KIF3C: variants seen among roughly 807,000 people sequenced by gnomAD.
KIF3C encodes the protein kinesin family member 3C.
A neutral mutation model predicts 67.7 loss-of-function variants in KIF3C; 12 were observed. The ratio of observed to expected loss-of-function variants is 0.18; its 90% CI spans 0.11 to 0.29. The LOEUF (loss-of-function observed/expected upper bound fraction) is 0.29. KIF3C is among the 10% of genes least tolerant of loss of function. The pLI is 1.00. For missense variants in KIF3C, 789 were observed against 1,059.6 expected, an observed-to-expected ratio of 0.74 and a Z score of 3.55; for synonymous variants, 393 against 426.2, an observed-to-expected ratio of 0.92 and a Z score of 0.96.
rs1457371567 is a variant in KIF3C at position 25,939,116 on chromosome 2, AG to A, written c.2007-9054del. On this transcript the variant is annotated intron_variant, in intron 5 of 7. Transcript: ENST00000264712. ...TCAAGTAGCTGGGATTACAGGTGAC[AG>A]CCATCACATCTAGCTAATTTTTGTA... Among the ~76,000 whole-genome samples, 5 of 152,082 alleles carry A rather than the reference AG, an allele frequency of 3.3e-5. No individual in the cohort carries two copies. In the East Asian group the frequency reaches 9.7e-4, roughly 29 times the overall value.
chr2:25,934,160 G>A (rs1379318013), intron 5 of KIF3C: 1 of 471,010 alleles, frequency 2.1e-6, no homozygotes, highest in South Asian at 1.5e-5. Flanking sequence ...AAAATATCTG[G>A]AATAGGTAAA....
chr2:25,949,091 T>C (rs1265288883), intron 5 of KIF3C, among the ~76,000 whole-genome samples: 1 of 152,206 alleles, frequency 6.6e-6, no homozygotes, highest in Non-Finnish European at 1.5e-5. Context: ...TTTCCTGAGT[T>C]TGATCATTGC....
intron 1 of KIF3C, among the ~76,000 whole-genome samples, chr2:25,965,886 G>C (rs951314686): frequency 2.0e-5 from 3 of 152,022 alleles, no homozygotes; most frequent in Admixed American, 6.6e-5. Context: ...AACAAGTCCA[G>C]TGTAACTAAA....
At chr2:25,949,431 A>G (rs1038117122) in intron 5 of KIF3C, among the ~76,000 whole-genome samples, 5 of 151,036 alleles carry the variant, frequency 3.3e-5, no homozygotes, top group Non-Finnish European at 7.4e-5. Context: ...AAAAAAAAAG[A>G]AAAAAAAATT....
chr2:25,930,008 T>C lies in KIF3C; in HGVS notation c.2062A>G (p.Ile688Val), dbSNP rs2090445697. 1.9e-6 allele frequency: 3 copies of C among 1,614,038 alleles called. No homozygotes were observed. The highest frequency in any genetic ancestry group is 1.3e-5 in the African/African-American group (1 of 74,932). The part of the protein sequence containing the change: ...PTSAVGYKRP[I>V]SQYARVAMAM... The stretch of plus-strand genomic sequence containing the variant: ...ATGGCAACCCGAGCATACTGGCTGA[T>C]AGGCCTCTTGTAGCCCACTGCAGAT... Residue 688 changes from isoleucine (I) to valine (V), a missense_variant, in exon 6 of 8, where the codon ATC (isoleucine) becomes GTC (valine). Ile to Val is a conservative substitution (Grantham distance 29). Transcript: ENST00000264712.
rs772279061 is a variant in KIF3C, at chr2:25,980,334, G to A, written c.1545+39C>T. 3.9e-6 allele frequency: 6 copies of A among 1,527,572 alleles called. No individual in the cohort carries two copies. The highest frequency in any genetic ancestry group is 2.3e-5 in the East Asian group (1 of 44,402). 94.6% of individuals were successfully genotyped at this position (1,527,572 alleles called of 1,614,324 possible). A position where few individuals can be genotyped will look rare whatever the true frequency, so the allele number is the denominator to read the frequency against. On this transcript the variant is annotated intron_variant, in intron 1 of 7. Transcript: ENST00000264712. The surrounding 1 kb of genome is among the most constrained non-coding windows in gnomAD (Gnocchi z 7.6). The stretch of plus-strand genomic sequence containing the variant: ...GAGCCTCCTTGCCGGGATCCCCTGC[G>A]GGGACATCTCGAGTGCCCAGCTCCT...
At chr2:25,940,251 A>C (rs1663247473) in intron 5 of KIF3C, among the ~76,000 whole-genome samples, 1 of 152,038 alleles carries the variant, frequency 6.6e-6, no homozygotes, top group Non-Finnish European at 1.5e-5. Flanking sequence ...CAGATGAAAA[A>C]ATTTGGGTTC....
rs556974174 is a variant in KIF3C, at chr2:25,973,793, G to A, written c.1545+6580C>T. Among the ~76,000 whole-genome samples, 63 of 152,306 alleles carry A rather than the reference G, an allele frequency of 4.1e-4. 1 individual carries two copies. Among genetic ancestry groups the A allele is most frequent in the African/African-American group, 1.4e-3 (60 of 41,568 alleles). ...ACAGTGCAATCAGCAGTAGGATAGG[G>A]AGGCCCATGTTGATTTCAAAGGAAG... On this transcript the variant is annotated intron_variant, in intron 1 of 7. Transcript: ENST00000264712.
rs180721351 is a variant in KIF3C at position 25,927,276 on chromosome 2, G to A, written c.*1702C>T. On this transcript the variant is annotated 3_prime_UTR_variant, in exon 8 of 8. Transcript: ENST00000264712. ...GGGAGAGGCTGCTCAACGCAGCCCTGGAGGTCCCCCTGCGCTCAGGCCACC... is the reference window on the plus strand; with the variant it reads ...GGGAGAGGCTGCTCAACGCAGCCCTAGAGGTCCCCCTGCGCTCAGGCCACC... 1 of 152,780 alleles carries A rather than the reference G, an allele frequency of 6.5e-6. No homozygotes were observed. The highest frequency in any genetic ancestry group is 1.9e-4 in the East Asian group (1 of 5,184). The allele number at this position is 152,780 out of a possible 1,614,324, so 9.5% of individuals were successfully genotyped here. A position where few individuals can be genotyped will look rare whatever the true frequency, so the allele number is the denominator to read the frequency against.
At chr2:25,953,608 C>A (rs1253829173) in intron 4 of KIF3C, among the ~76,000 whole-genome samples, 2 of 151,838 alleles carry the variant, frequency 1.3e-5, no homozygotes, top group African/African-American at 4.8e-5. Context: ...GATCCACCTG[C>A]CTCAGCCTCC....
Position 25,982,305 on chromosome 2 carries a change from C to T in KIF3C, c.-388G>A, listed in dbSNP as rs893539886. 10 of 402,066 alleles carry T rather than the reference C, an allele frequency of 2.5e-5. No homozygotes were observed. The highest frequency in any genetic ancestry group is 1.4e-4 in the African/African-American group (7 of 48,626). The allele number at this position is 402,066 out of a possible 1,614,324, so 24.9% of individuals were successfully genotyped here. On this transcript the variant is annotated 5_prime_UTR_variant, in exon 1 of 8. Transcript: ENST00000264712. ...GGGGGTGGGCGGCGAGCTGTCTTCT[C>T]CTCCTTCCTCTAGGGATCCATAGCG...
At chr2:25,957,531 C>T (rs150000771) in intron 1 of KIF3C, among the ~76,000 whole-genome samples, 4 of 152,264 alleles carry the variant, frequency 2.6e-5, no homozygotes, top group African/African-American at 4.8e-5. Flanking sequence ...GGCTTCATCA[C>T]GGGCCTCCTG....
intron 5 of KIF3C, chr2:25,938,431 T>TC: frequency 2.8e-6 from 1 of 362,532 alleles, no homozygotes; most frequent in Non-Finnish European, 5.5e-6. Context: ...GGGTGGGGGT[T>TC]CCCCCCAAGG....
intron 3 of KIF3C, 46 bp from the exon 4 acceptor site, chr2:25,954,431 G>A (rs935580754): frequency 4.8e-6 from 7 of 1,450,782 alleles, no homozygotes; most frequent in Non-Finnish European, 6.7e-6. Flanking sequence ...GTGTGGCAAC[G>A]AGGCCCCAGT....
Position 25,955,710 on chromosome 2 carries a change from G to A in KIF3C, c.1648-47C>T, listed in dbSNP as rs775526439. 9.3e-6 allele frequency: 15 copies of A among 1,606,216 alleles called. No individual in the cohort carries two copies. The highest frequency in any genetic ancestry group is 7.7e-6 in the Non-Finnish European group (9 of 1,174,922). On this transcript the variant is annotated intron_variant, in intron 2 of 7. Transcript: ENST00000264712. The surrounding 1 kb of genome is among the most constrained non-coding windows in gnomAD (Gnocchi z 5.0). ...TGGCTCAAAGGAGCAGTGCATACTC[G>A]GGAGGGCCAGGAAAGCTCAGGGGAC...
intron 1 of KIF3C, among the ~76,000 whole-genome samples, chr2:25,971,308 C>A (rs1261661257): frequency 6.7e-6 from 1 of 149,512 alleles, no homozygotes; most frequent in Non-Finnish European, 1.5e-5. Flanking sequence ...GACGTGGTGG[C>A]GCGCACCTGT....
intron 5 of KIF3C, chr2:25,938,356 T>TAAA: frequency 3.4e-6 from 1 of 293,844 alleles, no homozygotes; most frequent in Non-Finnish European, 7.2e-6. Flanking sequence ...AGTCTGAGTC[T>TAAA]CAAAAAAAAA....
Position 25,955,262 on chromosome 2 carries a change from G to A in KIF3C, c.1770+279C>T, listed in dbSNP as rs543432737. Among the ~76,000 whole-genome samples the A allele has an allele frequency of 9.6e-4, 146 of 152,200 alleles. No individual in the cohort carries two copies. The highest frequency in any genetic ancestry group is 1.6e-3 in the Admixed American group (25 of 15,282). On this transcript the variant is annotated intron_variant, in intron 3 of 7. Coordinates refer to ENST00000264712, the MANE Select transcript of KIF3C (RefSeq NM_002254.8). The surrounding 1 kb of genome is among the most constrained non-coding windows in gnomAD (Gnocchi z 5.0). The stretch of plus-strand genomic sequence containing the variant: ...GTGACTCACTGGTGACACTGAACGG[G>A]GTAATCACCCAGGACCATGAAGATG...
chr2:25,945,461 G>A lies in KIF3C; in HGVS notation c.2006+6328C>T, dbSNP rs150046715. 3.3e-3 allele frequency among the ~76,000 whole-genome samples: 495 copies of A among 150,034 alleles called. 2 individuals are homozygous for A. Among genetic ancestry groups the A allele is most frequent in the South Asian group, 0.03 (142 of 4,744 alleles). Reference sequence around the variant, plus strand: ...TCAAGCCTGTAATCCCAGCTACTTAGGAGGCTGAGGCATGAGAATTGCTTG... The same window carrying A: ...TCAAGCCTGTAATCCCAGCTACTTAAGAGGCTGAGGCATGAGAATTGCTTG... On this transcript the variant is annotated intron_variant, in intron 5 of 7. Transcript: ENST00000264712.
Sources: allele counts gnomAD v4.1 joint callset (sites outside exome capture counted in the v4.1 genomes callset), GRCh38; gene constraint gnomAD v4.1.1; non-coding constraint Gnocchi (gnomAD v3.1); transcripts MANE v1.5; gene names NCBI Gene and HGNC (gene_info 2026-07-23, HGNC 2026-07-21).